Variants in PCDHA8 observed in about 807,000 individuals in gnomAD.
PCDHA8 encodes protocadherin alpha-8.
Under a neutral mutation model 61.8 loss-of-function variants are expected in PCDHA8, and 53 were observed. That is an observed-to-expected ratio of 0.86 (90% CI 0.69 to 1.08). The LOEUF (loss-of-function observed/expected upper bound fraction) is 1.08, where lower values mean the gene tolerates loss of function less well. Among genes scored for constraint, PCDHA8 ranks in the 50% least tolerant of loss-of-function variants. The pLI, the probability that PCDHA8 is intolerant of heterozygous loss-of-function variation, is 0.00. For missense variants in PCDHA8, 1,293 were observed against 1,245.0 expected, an observed-to-expected ratio of 1.04 and a Z score of -0.58; for synonymous variants, 618 against 556.6, an observed-to-expected ratio of 1.11 and a Z score of -1.55.
chr5:140,929,232 G>A lies in PCDHA8; in HGVS notation c.2395-49717G>A, dbSNP rs782109734. On this transcript the variant is annotated intron_variant, in intron 1 of 3. Coordinates refer to ENST00000531613, the MANE Select transcript of PCDHA8 (RefSeq NM_018911.3). ...GTGGGGAGTACAATGCTGCCGACCTGCGAAATCTTGCCACTGGGGTAGGAC... is the reference window on the plus strand; with the variant it reads ...GTGGGGAGTACAATGCTGCCGACCTACGAAATCTTGCCACTGGGGTAGGAC... 2.5e-6 allele frequency: 4 copies of A among 1,613,756 alleles called. No individual in the cohort carries two copies. In the Admixed American group the frequency reaches 5.0e-5, roughly 20 times the overall value.
intron 3 of PCDHA8, among the ~76,000 whole-genome samples, chr5:141,007,300 T>C (rs185284872): frequency 6.6e-6 from 1 of 151,058 alleles, no homozygotes; most frequent in Admixed American, 6.6e-5. Context: ...CCTGTAATCT[T>C]AGCATTTTGG....
chr5:140,962,046 G>A (rs2095653396), intron 1 of PCDHA8, among the ~76,000 whole-genome samples: 1 of 151,964 alleles, frequency 6.6e-6, no homozygotes, highest in African/African-American at 2.4e-5. Flanking sequence ...ACCATGCCTG[G>A]CTAATTTTTT....
At chr5:140,908,706 T>C (rs2074108716) in intron 1 of PCDHA8, among the ~76,000 whole-genome samples, 1 of 152,132 alleles carries the variant, frequency 6.6e-6, no homozygotes, top group South Asian at 2.1e-4. Context: ...TCAAGCACCA[T>C]TGGATCTGCT....
intron 1 of PCDHA8, among the ~76,000 whole-genome samples, chr5:140,907,337 A>G (rs2073315694): frequency 6.6e-6 from 1 of 152,210 alleles, no homozygotes; most frequent in Non-Finnish European, 1.5e-5. Flanking sequence ...TTCCATATGC[A>G]TGAGCCCGCT....
chr5:140,967,240 C>T, intron 1 of PCDHA8: 1 of 1,613,644 alleles, frequency 6.2e-7, no homozygotes, highest in African/African-American at 1.3e-5. Flanking sequence ...TTCAGGTAAG[C>T]GAATCGGTGG....
At chr5:140,931,977 T>G (rs1207911799) in intron 1 of PCDHA8, among the ~76,000 whole-genome samples, 2 of 151,978 alleles carry the variant, frequency 1.3e-5, no homozygotes, top group Non-Finnish European at 2.9e-5. Flanking sequence ...TATGTGTTTA[T>G]ATTTTGCTCA....
At chr5:140,927,220 A>T (rs1554204179) in intron 1 of PCDHA8, 1 of 1,614,090 alleles carries the variant, frequency 6.2e-7, no homozygotes, top group Admixed American at 1.7e-5. Flanking sequence ...GCTGCACAAG[A>T]TTCGGATTCA....
chr5:140,929,174 G>C, intron 1 of PCDHA8: 1 of 1,614,140 alleles, frequency 6.2e-7, no homozygotes, highest in South Asian at 1.1e-5. Flanking sequence ...GCCTCTCTGG[G>C]ACTTGGTTCT....
At chr5:141,000,391 CTCTCTATATATA>C (rs1452985170) in intron 3 of PCDHA8, among the ~76,000 whole-genome samples, 26 of 56,648 alleles carry the variant, frequency 4.6e-4, no homozygotes, top group Middle Eastern at 0.011. Flanking sequence ...CTCTCTCTCT[CTCTCTATATATA>C]TATATATATA....
At chr5:140,996,129 G>A (rs190965499) in intron 3 of PCDHA8, among the ~76,000 whole-genome samples, 1 of 152,210 alleles carries the variant, frequency 6.6e-6, no homozygotes, top group Non-Finnish European at 1.5e-5. Flanking sequence ...TGGTGTAGAG[G>A]GTTCTCCCAT....
chr5:140,952,712 C>A (rs567610262), intron 1 of PCDHA8, among the ~76,000 whole-genome samples: 3 of 152,298 alleles, frequency 2.0e-5, no homozygotes, highest in Middle Eastern at 3.4e-3. Context: ...CTCTCAGTAT[C>A]AATTTTCTGT....
intron 1 of PCDHA8, chr5:140,926,849 C>A: frequency 6.6e-7 from 1 of 1,517,430 alleles, no homozygotes. Flanking sequence ...CCTGGGTCAC[C>A]GTTGGTGTAG....
rs1202247543 is a variant in PCDHA8, at chr5:140,858,682, T to A, written c.2394+14967T>A. On this transcript the variant is annotated intron_variant, in intron 1 of 3. Coordinates refer to ENST00000531613, the MANE Select transcript of PCDHA8 (RefSeq NM_018911.3). Reference sequence around the variant, plus strand: ...AAATAACAATTTATTCTGAATACACTAATATTTTCCAATACAAATATGTGA... The same window carrying A: ...AAATAACAATTTATTCTGAATACACAAATATTTTCCAATACAAATATGTGA... 35 of 617,258 alleles carry A rather than the reference T, an allele frequency of 5.7e-5. 1 individual carries two copies. The East Asian group carries it at 9.7e-4, about 17-fold the overall frequency. 38.2% of individuals were successfully genotyped at this position (617,258 alleles called of 1,614,324 possible).
At chr5:140,957,289 C>T (rs1235564629) in intron 1 of PCDHA8, among the ~76,000 whole-genome samples, 1 of 152,162 alleles carries the variant, frequency 6.6e-6, no homozygotes, top group Non-Finnish European at 1.5e-5. Context: ...CCTGCAGTTT[C>T]ACTCTGAGCA....
At chr5:140,932,192 T>C (rs1359260162) in intron 1 of PCDHA8, among the ~76,000 whole-genome samples, 4 of 151,968 alleles carry the variant, frequency 2.6e-5, no homozygotes, top group African/African-American at 9.6e-5. Context: ...GTCCATTTTT[T>C]TCTGTTAATA....
intron 1 of PCDHA8, chr5:140,884,559 C>A (rs782174598): frequency 6.2e-7 from 1 of 1,614,094 alleles, no homozygotes; most frequent in South Asian, 1.1e-5. Flanking sequence ...GGGGAGGGCC[C>A]GCATAAGACG....
At chr5:140,988,698 A>G (rs1563551697) in intron 3 of PCDHA8, among the ~76,000 whole-genome samples, 1 of 152,116 alleles carries the variant, frequency 6.6e-6, no homozygotes, top group East Asian at 1.9e-4. Context: ...GACGCTCTGT[A>G]TTTTCTTGGA....
intron 1 of PCDHA8, among the ~76,000 whole-genome samples, chr5:140,888,380 A>G (rs1348796416): frequency 6.6e-6 from 1 of 152,192 alleles, no homozygotes; most frequent in East Asian, 1.9e-4. Context: ...GAGCTCTGAG[A>G]TGCTGCTAAA....
chr5:140,911,040 A>G (rs970284436), intron 1 of PCDHA8, among the ~76,000 whole-genome samples: 15 of 152,034 alleles, frequency 9.9e-5, no homozygotes, highest in Non-Finnish European at 2.2e-4. Context: ...CTAGAAGCAA[A>G]CAGGGGTGGT....
Sources: gnomAD v4.1 joint callset for allele counts (sites outside exome capture counted in the v4.1 genomes callset) on GRCh38, gnomAD v4.1.1 for gene constraint, MANE v1.5 for transcripts, NCBI Gene and HGNC (gene_info 2026-07-23, HGNC 2026-07-21) for gene names.